SPECC1L: variants seen among roughly 807,000 people sequenced by gnomAD.
SPECC1L encodes cytospin-A.
In SPECC1L, 40 loss-of-function variants were observed where a neutral mutation model predicts 116.8. The observed-to-expected ratio is 0.34, with a 90% CI of 0.27 to 0.45. The LOEUF (loss-of-function observed/expected upper bound fraction) is 0.45, where lower values mean the gene tolerates loss of function less well. SPECC1L is among the 20% of genes least tolerant of loss of function. The probability of loss-of-function intolerance (pLI) is 1.00; values close to 1 mark genes in which losing one functional copy is unlikely to be tolerated. For synonymous variants in SPECC1L, 504 were observed against 500.6 expected, an observed-to-expected ratio of 1.01 and a Z score of -0.09; for missense variants, 1,110 against 1,373.6, an observed-to-expected ratio of 0.81 and a Z score of 3.03.
At chr22:24,392,039 C>T (rs2042284217) in intron 14 of SPECC1L, among the ~76,000 whole-genome samples, 1 of 152,190 alleles carries the variant, frequency 6.6e-6, no homozygotes, top group African/African-American at 2.4e-5. Flanking sequence ...CCCTAGAAAT[C>T]ACAAACCCAG....
intron 14 of SPECC1L, among the ~76,000 whole-genome samples, chr22:24,399,697 G>A (rs2042434913): frequency 6.6e-6 from 1 of 152,154 alleles, no homozygotes. Context: ...AGCATATGGG[G>A]CAACGTAGTT....
At chr22:24,361,215 TAGTG>T (rs1186202316) in intron 11 of SPECC1L, among the ~76,000 whole-genome samples, 2 of 151,988 alleles carry the variant, frequency 1.3e-5, no homozygotes, top group African/African-American at 2.4e-5. Context: ...CTGGGCAAGA[TAGTG>T]AGACCTCATC....
intron 8 of SPECC1L, among the ~76,000 whole-genome samples, chr22:24,332,704 TA>T (rs1324996127): frequency 1.3e-5 from 2 of 151,948 alleles, no homozygotes; most frequent in African/African-American, 4.8e-5. Context: ...CTCTTCTTAC[TA>T]ATTTTTTTTT....
chr22:24,365,199 G>C (rs931310265), intron 12 of SPECC1L, among the ~76,000 whole-genome samples: 2 of 152,086 alleles, frequency 1.3e-5, no homozygotes, highest in African/African-American at 4.8e-5. Flanking sequence ...GTAGAGACAG[G>C]ATTTCACCAT....
intron 14 of SPECC1L, among the ~76,000 whole-genome samples, chr22:24,397,872 T>C (rs1465461521): frequency 6.6e-6 from 1 of 152,214 alleles, no homozygotes; most frequent in East Asian, 1.9e-4. Flanking sequence ...CAAACCTTTG[T>C]TTGCCTGAAG....
intron 10 of SPECC1L, among the ~76,000 whole-genome samples, chr22:24,342,160 A>T (rs1270778994): frequency 1.3e-5 from 2 of 152,286 alleles, no homozygotes; most frequent in Non-Finnish European, 2.9e-5. Context: ...ACAGCAAAAT[A>T]TAAGACTCCA....
Position 24,363,249 on chromosome 22 carries a change from T to C in SPECC1L, c.2744-12T>C. The C allele has an allele frequency of 6.2e-7, 1 of 1,611,916 alleles. No individual in the cohort carries two copies. The highest frequency in any genetic ancestry group is 8.5e-7 in the Non-Finnish European group (1 of 1,177,968). Reference sequence around the variant, plus strand: ...CAGATTTCTTTATTGGGATTCTTTCTACTTTGTACAGAGCATCTGTTAAGA... The same window carrying C: ...CAGATTTCTTTATTGGGATTCTTTCCACTTTGTACAGAGCATCTGTTAAGA... On this transcript the variant is annotated splice_polypyrimidine_tract_variant and intron_variant, in intron 11 of 16. Transcript: ENST00000314328.
intron 11 of SPECC1L, among the ~76,000 whole-genome samples, chr22:24,350,175 C>G (rs561308273): frequency 6.6e-6 from 1 of 152,186 alleles, no homozygotes; most frequent in East Asian, 1.9e-4. Flanking sequence ...TCAGCAAGGC[C>G]CTAAGTACCA....
rs151169595 is a variant in SPECC1L, at chr22:24,334,422, G to A, written c.2409G>A (p.Glu803=). 7.9e-5 allele frequency: 127 copies of A among 1,614,150 alleles called. 1 individual carries two copies. In the South Asian group the frequency reaches 1.2e-3, roughly 15 times the overall value. The change falls in exon 9 of 17, where the codon GAG becomes GAA. Residue 803 remains glutamate, a synonymous_variant. Coordinates refer to ENST00000314328, the MANE Select transcript of SPECC1L (RefSeq NM_015330.6). ...ATATTATTTTCAGGCAAGAGGAGGA[G>A]CGAGGCCGGGTATACAATTACATGA... ...EEIKSRKQEE[E]RGRVYNYMNA...
intron 2 of SPECC1L, among the ~76,000 whole-genome samples, chr22:24,288,736 C>T (rs1324503271): frequency 6.8e-6 from 1 of 147,338 alleles, no homozygotes; most frequent in Non-Finnish European, 1.5e-5. Flanking sequence ...AGCGATTCTC[C>T]TGCCTCAGCT....
chr22:24,320,842 T>G (rs1347543969), intron 4 of SPECC1L, among the ~76,000 whole-genome samples: 1 of 152,200 alleles, frequency 6.6e-6, no homozygotes, highest in Non-Finnish European at 1.5e-5. Flanking sequence ...TTTTCCCTTC[T>G]TGCCCACCTA....
chr22:24,313,609 T>G, intron 4 of SPECC1L, 143 bp downstream of exon 4: 1 of 923,532 alleles, frequency 1.1e-6, no homozygotes, highest in East Asian at 2.6e-5. Context: ...CCCAATACGC[T>G]CATCACCATT....
At chr22:24,316,890 G>A (rs1324046476) in intron 4 of SPECC1L, among the ~76,000 whole-genome samples, 2 of 124,578 alleles carry the variant, frequency 1.6e-5, no homozygotes, top group African/African-American at 2.9e-5. Context: ...TGGATGGGGC[G>A]GCTGGCCGGG....
intron 14 of SPECC1L, among the ~76,000 whole-genome samples, chr22:24,380,801 G>T (rs1172888699): frequency 6.6e-6 from 1 of 152,192 alleles, no homozygotes; most frequent in Non-Finnish European, 1.5e-5. Context: ...AGGCTGTTTT[G>T]TGAGTCCAGG....
At chr22:24,335,391 C>T (rs1053519957) in intron 9 of SPECC1L, among the ~76,000 whole-genome samples, 1 of 152,180 alleles carries the variant, frequency 6.6e-6, no homozygotes, top group African/African-American at 2.4e-5. Flanking sequence ...ACCACTCTTC[C>T]CCCACTCACT....
intron 14 of SPECC1L, among the ~76,000 whole-genome samples, chr22:24,400,574 A>AAT (rs1477718810): frequency 1.3e-5 from 2 of 152,116 alleles, no homozygotes; most frequent in Non-Finnish European, 2.9e-5. Flanking sequence ...CAGTTCTTTG[A>AAT]AGTATAGACA....
chr22:24,365,508 G>A lies in SPECC1L; in HGVS notation c.2860G>A (p.Asp954Asn), dbSNP rs202185079. 9.3e-6 allele frequency: 15 copies of A among 1,613,974 alleles called. No individual in the cohort carries two copies. The highest frequency in any genetic ancestry group is 1.3e-5 in the African/African-American group (1 of 74,910). The stretch of plus-strand genomic sequence containing the variant: ...ACGAAGTAGTGAAGAAGTGAAACGG[G>A]ACATTTCTGCACAGGAGGGAGCGTC... ...SRRSSEEVKR[D>N]ISAQEGASPA... The change falls in exon 13 of 17, where the codon GAC (aspartate) becomes AAC (asparagine). Residue 954 changes from aspartate (D) to asparagine (N), a missense_variant. Transcript: ENST00000314328.
chr22:24,288,615 C>CTTTTTTTTTTTTTTTTTTTTTTT (rs756714389), intron 2 of SPECC1L, among the ~76,000 whole-genome samples: 1 of 61,678 alleles, frequency 1.6e-5, no homozygotes, highest in African/African-American at 6.9e-5. Context: ...AAATTTTAAG[C>CTTTTTTTTTTTTTTTTTTTTTTT]TTTTTTTTTT....
intron 14 of SPECC1L, among the ~76,000 whole-genome samples, chr22:24,396,343 C>CT (rs1212846439): frequency 6.6e-6 from 1 of 151,748 alleles, no homozygotes; most frequent in African/African-American, 2.4e-5. Context: ...GGGTCTCACT[C>CT]TGTCACCCAG....
Sources: gnomAD v4.1 joint callset for allele counts (sites outside exome capture counted in the v4.1 genomes callset) on GRCh38, gnomAD v4.1.1 for gene constraint, MANE v1.5 for transcripts, NCBI Gene and HGNC (gene_info 2026-07-23, HGNC 2026-07-21) for gene names.